Variants in PLEKHA1 observed in about 807,000 individuals in gnomAD.
The protein encoded by PLEKHA1 is pleckstrin homology domain-containing family A member 1.
Under a neutral mutation model 52.0 loss-of-function variants are expected in PLEKHA1, and 34 were observed. The observed-to-expected ratio is 0.65, with a 90% confidence interval of 0.50 to 0.87. The LOEUF (loss-of-function observed/expected upper bound fraction) is 0.87. Ranked by LOEUF, PLEKHA1 falls within the 40% of genes least tolerant of loss-of-function variation. The pLI is 0.00. For synonymous variants in PLEKHA1, 163 were observed against 170.7 expected, an observed-to-expected ratio of 0.95 and a Z score of 0.35; for missense variants, 497 against 504.2, an observed-to-expected ratio of 0.99 and a Z score of 0.14.
intron 3 of PLEKHA1, among the ~76,000 whole-genome samples, chr10:122,400,132 T>C (rs2096907508): frequency 6.6e-6 from 1 of 152,204 alleles, no homozygotes; most frequent in Non-Finnish European, 1.5e-5. Flanking sequence ...AAAGAAAATA[T>C]GGAAGTATTA....
In PLEKHA1 at chr10:122,389,598, G is replaced by A. The variant is rs149458771; in HGVS notation, c.-20-3583G>A. Reference sequence around the variant, plus strand: ...GCCTGTAATCCCAGTTACTTGGGAGGCTGAGGCAGGCTGAGGCAGGAGAAT... The same window carrying A: ...GCCTGTAATCCCAGTTACTTGGGAGACTGAGGCAGGCTGAGGCAGGAGAAT... On this transcript the variant is annotated intron_variant, in intron 1 of 11. Coordinates refer to ENST00000368990, the MANE Select transcript of PLEKHA1 (RefSeq NM_001001974.4). Among the ~76,000 whole-genome samples, 807 of 152,244 alleles carry A rather than the reference G, an allele frequency of 5.3e-3. 9 individuals are homozygous for A. The highest frequency in any genetic ancestry group is 0.019 in the African/African-American group (769 of 41,532).
At chr10:122,422,630 C>T (rs930529894) in intron 8 of PLEKHA1, 1 of 152,226 alleles carries the variant, frequency 6.6e-6, no homozygotes, top group African/African-American at 2.4e-5. Context: ...AAGAACTATT[C>T]CACAGTTAAA....
At chr10:122,380,519 A>G (rs1454690431) in intron 1 of PLEKHA1, among the ~76,000 whole-genome samples, 1 of 152,230 alleles carries the variant, frequency 6.6e-6, no homozygotes, top group East Asian at 1.9e-4. Context: ...ACTTTGAGTT[A>G]CAAGTCCCCG....
rs181039160 is a variant in PLEKHA1 at position 122,395,600 on chromosome 10, G to A, written c.141+2259G>A. Among the ~76,000 whole-genome samples, 791 of 147,906 alleles carry A rather than the reference G, an allele frequency of 5.3e-3. 9 individuals carry two copies. The highest frequency in any genetic ancestry group is 0.018 in the African/African-American group (753 of 41,252). On this transcript the variant is annotated intron_variant, in intron 2 of 11. Coordinates refer to ENST00000368990, the MANE Select transcript of PLEKHA1 (RefSeq NM_001001974.4). ...GCCATTTTGAATTACTAAAAAAATG[G>A]CAATGTCATATGGTTCAATCTAGTT...
At chr10:122,429,564 C>T (rs533381881) in intron 11 of PLEKHA1, 60 bp from the exon 12 acceptor site, 10 of 1,485,346 alleles carry the variant, frequency 6.7e-6, no homozygotes, top group South Asian at 1.2e-5. Flanking sequence ...AAGTCTCACA[C>T]TGAGTTACTA....
intron 1 of PLEKHA1, among the ~76,000 whole-genome samples, chr10:122,379,995 T>C (rs2096592599): frequency 6.6e-6 from 1 of 152,150 alleles, no homozygotes; most frequent in South Asian, 2.1e-4. Context: ...GAAGGAGAAA[T>C]TTGGGTTGGG....
downstream of PLEKHA1, chr10:122,436,473 A>G (rs2097437965): frequency 6.6e-6 from 1 of 152,224 alleles, no homozygotes; most frequent in African/African-American, 2.4e-5. Context: ...GGAAACAGCT[A>G]TAGGGCCTGG....
chr10:122,433,516 T>C (rs1001028685), downstream of PLEKHA1: 3 of 97,538 alleles, frequency 3.1e-5, no homozygotes, highest in Non-Finnish European at 6.1e-5. Flanking sequence ...CCAAAACACA[T>C]AGGCTTAGTG....
intron 4 of PLEKHA1, among the ~76,000 whole-genome samples, chr10:122,402,197 CAT>C (rs1488524117): frequency 6.6e-6 from 1 of 151,992 alleles, no homozygotes; most frequent in Non-Finnish European, 1.5e-5. Context: ...ACTTGACATT[CAT>C]AGTTATTGGA....
At chr10:122,401,351 A>G (rs1042495629) in intron 4 of PLEKHA1, among the ~76,000 whole-genome samples, 1 of 152,172 alleles carries the variant, frequency 6.6e-6, no homozygotes, top group African/African-American at 2.4e-5. Flanking sequence ...TTGTATGCAT[A>G]GGAAAGTTTT....
At chr10:122,391,649 T>C (rs914972390) in intron 1 of PLEKHA1, among the ~76,000 whole-genome samples, 1 of 152,186 alleles carries the variant, frequency 6.6e-6, no homozygotes, top group African/African-American at 2.4e-5. Flanking sequence ...CACTGATCTA[T>C]GTCTATTCTC....
chr10:122,408,222 A>G (rs1590675866), intron 5 of PLEKHA1, among the ~76,000 whole-genome samples: 1 of 152,366 alleles, frequency 6.6e-6, no homozygotes. Flanking sequence ...AATAACAAGC[A>G]GCACTGGTTT....
At chr10:122,382,415 G>A (rs2096627253) in intron 1 of PLEKHA1, among the ~76,000 whole-genome samples, 1 of 152,146 alleles carries the variant, frequency 6.6e-6, no homozygotes, top group Admixed American at 6.5e-5. Flanking sequence ...TTAGTACCTA[G>A]CTTCTAGATT....
chr10:122,406,616 T>A lies in PLEKHA1; in HGVS notation c.285T>A (p.Asn95Lys). Residue 95 changes from asparagine (N) to lysine (K), a missense_variant, in exon 5 of 12, where the codon AAT (asparagine) becomes AAA (lysine). Transcript: ENST00000368990. Reference sequence around the variant, plus strand: ...TGAGGAAGTACTTCCTACAAGCCAATGATCAGCAGGACCTAGTGGAATGGG... The same window carrying A: ...TGAGGAAGTACTTCCTACAAGCCAAAGATCAGCAGGACCTAGTGGAATGGG... ...AGMRKYFLQA[N>K]DQQDLVEWVN... The A allele has an allele frequency of 6.2e-7, 1 of 1,613,390 alleles. No individual in the cohort carries two copies. Among genetic ancestry groups the A allele is most frequent in the Non-Finnish European group, 8.5e-7 (1 of 1,179,392 alleles).
intron 4 of PLEKHA1, among the ~76,000 whole-genome samples, chr10:122,404,907 A>T (rs566847873): frequency 6.6e-6 from 1 of 152,318 alleles, no homozygotes; most frequent in Admixed American, 6.5e-5. Context: ...CTTCTCAGTC[A>T]CATTGAACTG....
chr10:122,423,891 C>T, intron 8 of PLEKHA1: 6 of 297,604 alleles, frequency 2.0e-5, no homozygotes, highest in Non-Finnish European at 3.0e-5. Context: ...CATACTGGTA[C>T]GTGGGTCCGT....
intron 8 of PLEKHA1, 33 bp from the exon 9 acceptor site, chr10:122,424,166 T>A (rs2097302454): frequency 7.0e-7 from 1 of 1,436,610 alleles, no homozygotes; most frequent in Non-Finnish European, 9.2e-7. Context: ...AAACATCATG[T>A]AACTGTTTTT....
chr10:122,428,433 A>C (rs1256565020), intron 11 of PLEKHA1: 6 of 1,435,262 alleles, frequency 4.2e-6, no homozygotes. Flanking sequence ...TGAGTTAACC[A>C]AACTGCCTTT....
chr10:122,419,069 G>A (rs1028911709), intron 8 of PLEKHA1: 2 of 152,186 alleles, frequency 1.3e-5, no homozygotes, highest in African/African-American at 4.8e-5. Context: ...CAGAGCACTA[G>A]TGTATAGGAA....
Sources: gnomAD v4.1 joint callset for allele counts (sites outside exome capture counted in the v4.1 genomes callset) on GRCh38, gnomAD v4.1.1 for gene constraint, MANE v1.5 for transcripts, NCBI Gene and HGNC (gene_info 2026-07-23, HGNC 2026-07-21) for gene names.